SLC6A11: variants seen among roughly 807,000 people sequenced by gnomAD.
SLC6A11 encodes the protein sodium- and chloride-dependent GABA transporter 3.
In SLC6A11, 25 loss-of-function variants were observed where a neutral mutation model predicts 74.8. The ratio of observed to expected loss-of-function variants is 0.33; its 90% CI spans 0.24 to 0.47. The LOEUF (loss-of-function observed/expected upper bound fraction) is 0.47, where lower values mean the gene tolerates loss of function less well. SLC6A11 is among the 20% of genes least tolerant of loss of function. The probability of loss-of-function intolerance (pLI) is 1.00; values close to 1 mark genes in which losing one functional copy is unlikely to be tolerated. For synonymous variants in SLC6A11, 330 were observed against 330.2 expected, an observed-to-expected ratio of 1.00 and a Z score of 0.01; for missense variants, 574 against 837.0, an observed-to-expected ratio of 0.69 and a Z score of 3.88.
chr3:10,883,229 C>T (rs1285862642), intron 6 of SLC6A11, among the ~76,000 whole-genome samples: 1 of 152,254 alleles, frequency 6.6e-6, no homozygotes, highest in African/African-American at 2.4e-5. Context: ...TTGGTCTTCA[C>T]TGTCAGCCCC....
intron 5 of SLC6A11, among the ~76,000 whole-genome samples, chr3:10,868,982 C>A (rs1006450840): frequency 2.6e-5 from 4 of 152,210 alleles, no homozygotes; most frequent in Non-Finnish European, 4.4e-5. Context: ...CCCAGCATCA[C>A]ATATGGATGC....
Position 10,816,427 on chromosome 3 carries a change from C to T in SLC6A11, c.162C>T (p.Asn54=). The part of the protein sequence containing the change: ...DKAVHERGHW[N]NKVEFVLSVA... ...CGGTCCACGAGCGCGGCCACTGGAA[C>T]AACAAGGTGGAGTTCGTGCTGAGCG... The change falls in exon 1 of 14, where the codon AAC becomes AAT. Residue 54 remains asparagine (N), a synonymous_variant. Transcript: ENST00000254488. The surrounding 1 kb of genome is among the most constrained non-coding windows in gnomAD (Gnocchi z 4.2). 3.1e-6 allele frequency: 5 copies of T among 1,601,780 alleles called. No homozygotes were observed. The highest frequency in any genetic ancestry group is 4.3e-6 in the Non-Finnish European group (5 of 1,174,812).
intron 4 of SLC6A11, among the ~76,000 whole-genome samples, chr3:10,825,961 T>C (rs1336493346): frequency 6.6e-6 from 1 of 152,250 alleles, no homozygotes; most frequent in African/African-American, 2.4e-5. Flanking sequence ...TCTCCCACTT[T>C]GTTCTTTTCC....
intron 6 of SLC6A11, among the ~76,000 whole-genome samples, chr3:10,886,093 C>T (rs1385277832): frequency 6.6e-6 from 1 of 152,212 alleles, no homozygotes; most frequent in African/African-American, 2.4e-5. Context: ...ATGGGCAAAC[C>T]CTCTCAGGGG....
intron 5 of SLC6A11, among the ~76,000 whole-genome samples, chr3:10,868,678 A>G (rs1236090088): frequency 1.3e-5 from 2 of 152,198 alleles, no homozygotes; most frequent in Non-Finnish European, 2.9e-5. Context: ...GTGGCCAGGA[A>G]CAGCCAGGCT....
intron 6 of SLC6A11, among the ~76,000 whole-genome samples, chr3:10,893,552 A>G (rs1339977685): frequency 6.6e-6 from 1 of 152,200 alleles, no homozygotes; most frequent in African/African-American, 2.4e-5. Flanking sequence ...ATCACCTGGC[A>G]GGGTAGGAGT....
chr3:10,858,135 ATCAC>A (rs1376438119), intron 5 of SLC6A11, among the ~76,000 whole-genome samples: 4 of 152,242 alleles, frequency 2.6e-5, no homozygotes, highest in African/African-American at 9.6e-5. Context: ...GGTTGTGTCA[ATCAC>A]TCACATTCCA....
chr3:10,840,017 C>T (rs1694417254), intron 4 of SLC6A11, among the ~76,000 whole-genome samples: 1 of 152,174 alleles, frequency 6.6e-6, no homozygotes, highest in African/African-American at 2.4e-5. Flanking sequence ...GCAGACTCCT[C>T]TGCCCCACCC....
intron 12 of SLC6A11, among the ~76,000 whole-genome samples, chr3:10,934,398 C>G (rs78009009): frequency 6.6e-6 from 1 of 152,180 alleles, no homozygotes; most frequent in Non-Finnish European, 1.5e-5. Flanking sequence ...CACAGCGCCT[C>G]CCTTCTCAGG....
rs1483042052 is a variant in SLC6A11, at chr3:10,873,558, C to CCCTAA, written c.757-1399_757-1398insACCTA. 1.3e-4 allele frequency among the ~76,000 whole-genome samples: 12 copies of CCCTAA among 95,834 alleles called. 1 individual carries two copies. Among genetic ancestry groups the CCCTAA allele is most frequent in the Non-Finnish European group, 2.3e-4 (12 of 52,864 alleles). 62.9% of individuals were successfully genotyped at this position (95,834 alleles called of 152,430 possible). A position where few individuals can be genotyped will look rare whatever the true frequency, so the allele number is the denominator to read the frequency against. Reference sequence around the variant, plus strand: ...TCCTATCCTATCCTATCCTACCCTACCCTACCCTACCCTACCCTACCCTAC... The same window carrying CCCTAA: ...TCCTATCCTATCCTATCCTACCCTACCCTAACCTACCCTACCCTACCCTACCCTAC... On this transcript the variant is annotated intron_variant, in intron 5 of 13. Coordinates refer to ENST00000254488, the MANE Select transcript of SLC6A11 (RefSeq NM_014229.3).
chr3:10,912,078 G>T lies in SLC6A11; in HGVS notation c.892-12G>T. On this transcript the variant is annotated splice_polypyrimidine_tract_variant and intron_variant, in intron 6 of 13. Coordinates refer to ENST00000254488, the MANE Select transcript of SLC6A11 (RefSeq NM_014229.3). ...CTTCTGTTTATGCCAACATCTTTGT[G>T]CCTTCCTACAGGTCTGGGTAGATGC... 1 of 1,589,496 alleles carries T rather than the reference G, an allele frequency of 6.3e-7. No homozygotes were observed. Among genetic ancestry groups the T allele is most frequent in the Non-Finnish European group, 8.6e-7 (1 of 1,157,520 alleles).
chr3:10,854,116 T>C (rs1694609598), intron 5 of SLC6A11, among the ~76,000 whole-genome samples: 1 of 152,164 alleles, frequency 6.6e-6, no homozygotes, highest in African/African-American at 2.4e-5. Context: ...AAAAGAATAG[T>C]CTTGCTCACG....
chr3:10,920,232 A>G (rs1384389609), intron 8 of SLC6A11, among the ~76,000 whole-genome samples: 2 of 152,180 alleles, frequency 1.3e-5, no homozygotes, highest in Non-Finnish European at 2.9e-5. Flanking sequence ...AATCCAACTA[A>G]AATTAAATTT....
intron 5 of SLC6A11, among the ~76,000 whole-genome samples, chr3:10,869,587 T>G (rs1021872559): frequency 7.2e-5 from 11 of 152,132 alleles, no homozygotes; most frequent in Non-Finnish European, 1.3e-4. Flanking sequence ...CCTGGCACGT[T>G]CCCCAATAGC....
chr3:10,921,702 T>A (rs1399834197), intron 8 of SLC6A11, among the ~76,000 whole-genome samples: 1 of 151,970 alleles, frequency 6.6e-6, no homozygotes, highest in Non-Finnish European at 1.5e-5. Flanking sequence ...TCAGACCAGA[T>A]TTTTTTTAAA....
chr3:10,898,042 G>A (rs890827866), intron 6 of SLC6A11, among the ~76,000 whole-genome samples: 1 of 152,194 alleles, frequency 6.6e-6, no homozygotes, highest in Non-Finnish European at 1.5e-5. Flanking sequence ...AGCCATGGCC[G>A]GAGCTCTACA....
At chr3:10,899,950 C>T (rs117864719) in intron 6 of SLC6A11, among the ~76,000 whole-genome samples, 3 of 152,206 alleles carry the variant, frequency 2.0e-5, no homozygotes, top group Non-Finnish European at 4.4e-5. Context: ...ATGATTCTCT[C>T]TTGCAGGTTT....
chr3:10,873,830 A>G (rs1328789640), intron 5 of SLC6A11, among the ~76,000 whole-genome samples: 1 of 151,792 alleles, frequency 6.6e-6, no homozygotes, highest in Admixed American at 6.6e-5. Context: ...ATCCTATCCT[A>G]TAGTATGCTC....
chr3:10,879,288 G>C (rs2106608200), intron 6 of SLC6A11, among the ~76,000 whole-genome samples: 1 of 152,270 alleles, frequency 6.6e-6, no homozygotes, highest in Non-Finnish European at 1.5e-5. Flanking sequence ...AGTAACTGCT[G>C]ATTTTCTGTG....
Sources: gnomAD v4.1 joint callset for allele counts (sites outside exome capture counted in the v4.1 genomes callset) on GRCh38, gnomAD v4.1.1 for gene constraint, Gnocchi (gnomAD v3.1) non-coding constraint, MANE v1.5 for transcripts, NCBI Gene and HGNC (gene_info 2026-07-23, HGNC 2026-07-21) for gene names.